TGM5: variants seen among roughly 807,000 people sequenced by gnomAD.
The protein encoded by TGM5 is transglutaminase 5.
A neutral mutation model predicts 77.2 loss-of-function variants in TGM5; 69 were observed. That is an observed-to-expected ratio of 0.89 (90% CI 0.74 to 1.09). The LOEUF is 1.09. Among genes scored for constraint, TGM5 ranks in the 50% least tolerant of loss-of-function variants. The pLI, the probability that TGM5 is intolerant of heterozygous loss-of-function variation, is 0.00. For synonymous variants in TGM5, 346 were observed against 351.8 expected, an observed-to-expected ratio of 0.98 and a Z score of 0.18; for missense variants, 842 against 896.5, an observed-to-expected ratio of 0.94 and a Z score of 0.78.
chr15:43,246,781 T>C (rs1248036890), intron 6 of TGM5, among the ~76,000 whole-genome samples: 1 of 152,070 alleles, frequency 6.6e-6, no homozygotes, highest in East Asian at 1.9e-4. Flanking sequence ...AGCATGGGGA[T>C]GAAATTCCAG....
chr15:43,255,040 AAGAC>A (rs1039606128), intron 4 of TGM5, among the ~76,000 whole-genome samples: 3 of 152,138 alleles, frequency 2.0e-5, no homozygotes, highest in Admixed American at 6.5e-5. Flanking sequence ...ATGAAGAAGA[AAGAC>A]AGAAATGGGC....
chr15:43,261,074 GT>G lies in TGM5; in HGVS notation c.11-496del, dbSNP rs1391902269. ...AGCTGCTCTTCCTTTTTTTGTGTGTGTGTTTTTTTTTTTTTTTTTTTTTTTT... is the reference window on the plus strand; with the variant it reads ...AGCTGCTCTTCCTTTTTTTGTGTGTGGTTTTTTTTTTTTTTTTTTTTTTTT... On this transcript the variant is annotated intron_variant, in intron 1 of 12. Transcript: ENST00000220420. Among the ~76,000 whole-genome samples the G allele has an allele frequency of 2.0e-4, 15 of 73,878 alleles. 1 individual carries two copies. Among genetic ancestry groups the G allele is most frequent in the Admixed American group, 9.1e-4 (5 of 5,480 alleles). 48.5% of individuals were successfully genotyped at this position (73,878 alleles called of 152,430 possible).
rs76324585 is a variant in TGM5, at chr15:43,255,060, G to A, written c.556-1426C>T. On this transcript the variant is annotated intron_variant, in intron 4 of 12. Coordinates refer to ENST00000220420, the MANE Select transcript of TGM5 (RefSeq NM_201631.4). ...GAAGAAAGACAGAAATGGGCCAGGC[G>A]CGATGGCACACACCTGTAATCCCAA... Among the ~76,000 whole-genome samples the A allele has an allele frequency of 4.1e-3, 629 of 152,178 alleles. 2 individuals are homozygous for A. The highest frequency in any genetic ancestry group is 0.011 in the South Asian group (52 of 4,818).
Position 43,253,644 on chromosome 15 carries a change from G to T in TGM5, c.556-10C>A. ...TGATTTTGTCTTCAAACTTCGGGGG[G>T]AGAGGCAGAGAGGGAAGGCACCCAT... On this transcript the variant is annotated splice_polypyrimidine_tract_variant and intron_variant, in intron 4 of 12. Coordinates refer to ENST00000220420, the MANE Select transcript of TGM5 (RefSeq NM_201631.4). 1 of 1,611,390 alleles carries T rather than the reference G, an allele frequency of 6.2e-7. No individual in the cohort carries two copies.
intron 3 of TGM5, among the ~76,000 whole-genome samples, chr15:43,258,985 G>A (rs1031559830): frequency 1.3e-5 from 2 of 152,166 alleles, no homozygotes; most frequent in African/African-American, 2.4e-5. Flanking sequence ...ACAGGGAAGC[G>A]GGTAGTGGTT....
At chr15:43,255,896 C>T (rs149651188) in intron 4 of TGM5, among the ~76,000 whole-genome samples, 71 of 152,242 alleles carry the variant, frequency 4.7e-4, no homozygotes, top group African/African-American at 1.6e-3. Flanking sequence ...TTTTAGAATG[C>T]GTATAGAAAA....
At chr15:43,233,796 G>A (rs541315592) in intron 11 of TGM5, 109 bp from the exon 12 acceptor site, 155 of 1,276,196 alleles carry the variant, frequency 1.2e-4, no homozygotes, top group Non-Finnish European at 1.2e-4. Flanking sequence ...CTCCAAATAT[G>A]CCACTTTGGC....
At position 43,235,635 on chromosome 15, in the gene TGM5, C is replaced by A. The variant is rs188841718; in HGVS notation, c.1548G>T (p.Pro516=). Residue 516 remains proline (P), a synonymous_variant, in exon 10 of 13, where the codon CCG becomes CCT. Transcript: ENST00000220420. The stretch of plus-strand genomic sequence containing the variant: ...AGCATATATCCTGGCCCATGTTGGG[C>A]GGGTCGAGCAGCTTGAATTTCAGGG... The part of the protein sequence containing the change: ...QVSLKFKLLD[P]PNMGQDICFV... The A allele has an allele frequency of 2.5e-6, 4 of 1,614,114 alleles. No individual in the cohort carries two copies. The South Asian group carries it at 4.4e-5, about 18-fold the overall frequency.
chr15:43,260,661 T>G (rs767879689), intron 1 of TGM5, 82 bp from the exon 2 acceptor site: 1 of 1,486,246 alleles, frequency 6.7e-7, no homozygotes, highest in Non-Finnish European at 9.4e-7. Flanking sequence ...TCTGCAAACT[T>G]GAGAAAGTAA....
chr15:43,242,532 A>T (rs1303065612), intron 6 of TGM5, among the ~76,000 whole-genome samples: 1 of 152,238 alleles, frequency 6.6e-6, no homozygotes, highest in African/African-American at 2.4e-5. Flanking sequence ...CTTCACACAC[A>T]CTACTGTCAT....
chr15:43,239,438 T>A, intron 7 of TGM5, 172 bp from the exon 8 acceptor site: 1 of 694,576 alleles, frequency 1.4e-6, no homozygotes, highest in East Asian at 2.7e-5. Context: ...TCTTAGTACT[T>A]TGGGAGTCTG....
At position 43,260,195 on chromosome 15, in the gene TGM5, G is replaced by A. The variant is rs2042774375; in HGVS notation, c.293C>T (p.Thr98Ile). The change falls in exon 3 of 13, where the codon ACC becomes ATC. Residue 98 changes from threonine (T) to isoleucine (I), a missense_variant. Transcript: ENST00000220420. ...WIAWLETNGA[T>I]STEVSLCAPP... ...AGCGCACAAGCTCACCTCTGTGGAG[G>A]TGGCCCCATTGGTCTCCAGCCAGGC... 1.9e-6 allele frequency: 3 copies of A among 1,614,088 alleles called. No individual in the cohort carries two copies. Among genetic ancestry groups the A allele is most frequent in the East Asian group, 2.2e-5 (1 of 44,882 alleles).
At chr15:43,244,491 A>G (rs1596444658) in intron 6 of TGM5, among the ~76,000 whole-genome samples, 1 of 152,332 alleles carries the variant, frequency 6.6e-6, no homozygotes, top group African/African-American at 2.4e-5. Flanking sequence ...GTGCTTATGG[A>G]CATGCATACA....
intron 1 of TGM5, among the ~76,000 whole-genome samples, chr15:43,261,067 T>G (rs1186655097): frequency 1.7e-5 from 1 of 59,044 alleles, no homozygotes; most frequent in Non-Finnish European, 3.2e-5. Flanking sequence ...TTCCTTTTTT[T>G]GTGTGTGTGT....
intron 1 of TGM5, chr15:43,260,798 C>T (rs1427155114): frequency 4.7e-6 from 3 of 644,978 alleles, no homozygotes; most frequent in Admixed American, 2.2e-5. Context: ...TCCTTCCTCT[C>T]CTATCTCTCT....
At chr15:43,259,367 C>A (rs2042767948) in intron 3 of TGM5, among the ~76,000 whole-genome samples, 1 of 150,818 alleles carries the variant, frequency 6.6e-6, no homozygotes, top group South Asian at 2.1e-4. Context: ...TTAAAAATAT[C>A]TGGTGCATCC....
chr15:43,254,997 C>G (rs1186855024), intron 4 of TGM5, among the ~76,000 whole-genome samples: 2 of 152,120 alleles, frequency 1.3e-5, no homozygotes, highest in African/African-American at 4.8e-5. Context: ...TAGCACCCTG[C>G]CTGGCACTGA....
chr15:43,232,843 G>T lies in TGM5; in HGVS notation c.*348C>A. On this transcript the variant is annotated 3_prime_UTR_variant, in exon 13 of 13. Transcript: ENST00000220420. ...TGGGCCCTGAAAAGAGTCCAGGGGA[G>T]CTGTGCAAATGGTCCAGGGAAATAT... The T allele has an allele frequency of 3.2e-6, 1 of 313,840 alleles. No individual in the cohort carries two copies. Among genetic ancestry groups the T allele is most frequent in the Non-Finnish European group, 6.1e-6 (1 of 163,752 alleles). The allele number at this position is 313,840 out of a possible 1,614,324, so 19.4% of individuals were successfully genotyped here.
At chr15:43,262,753 C>T (rs2042799031) in intron 1 of TGM5, among the ~76,000 whole-genome samples, 1 of 152,206 alleles carries the variant, frequency 6.6e-6, no homozygotes, top group Non-Finnish European at 1.5e-5. Flanking sequence ...CACTGCCCTC[C>T]AAAGCCCACA....
Sources: allele counts gnomAD v4.1 joint callset (sites outside exome capture counted in the v4.1 genomes callset), GRCh38; gene constraint gnomAD v4.1.1; transcripts MANE v1.5; gene names NCBI Gene and HGNC (gene_info 2026-07-23, HGNC 2026-07-21).